The following SLC25A26 variants were observed in gnomAD, a reference collection of about 807,000 sequenced individuals.
SLC25A26 encodes the protein solute carrier family 25 member 26.
A neutral mutation model predicts 37.8 loss-of-function variants in SLC25A26; 36 were observed. The observed-to-expected ratio is 0.95, with a 90% CI of 0.73 to 1.26. The LOEUF (loss-of-function observed/expected upper bound fraction) is 1.26. SLC25A26 is among the 50% of genes most tolerant of loss of function. The pLI is 0.00. For missense variants in SLC25A26, 390 were observed against 331.1 expected (o/e 1.18, Z -1.38); for synonymous variants, 129 against 122.5 (o/e 1.05, Z -0.35).
chr3:66,377,390 C>G (rs1328749672), intron 9 of SLC25A26, among the ~76,000 whole-genome samples: 1 of 152,022 alleles, frequency 6.6e-6, no homozygotes, highest in Non-Finnish European at 1.5e-5. Context: ...CACTGAGCAA[C>G]CCCTGGAGAT....
At chr3:66,332,937 C>T (rs2076010896) in intron 5 of SLC25A26, among the ~76,000 whole-genome samples, 1 of 152,154 alleles carries the variant, frequency 6.6e-6, no homozygotes, top group African/African-American at 2.4e-5. Context: ...AGTATCCATA[C>T]ATACACTTTT....
intron 5 of SLC25A26, among the ~76,000 whole-genome samples, chr3:66,313,437 C>T (rs1473608992): frequency 6.6e-6 from 1 of 152,042 alleles, no homozygotes; most frequent in African/African-American, 2.4e-5. Flanking sequence ...TGTAGATGTG[C>T]CATCTTATTT....
rs1057335647 is a variant in SLC25A26, at chr3:66,250,787, C to T, written c.300+7475C>T. On this transcript the variant is annotated intron_variant, in intron 3 of 9. Transcript: ENST00000354883. ...TGGATGGGTGTTAATTCAGAAAAAG[C>T]CTCACAGAATAGCCAGGCTTTAAGC... Among the ~76,000 whole-genome samples the T allele has an allele frequency of 3.3e-5, 5 of 151,916 alleles. No individual in the cohort carries two copies. In the East Asian group the frequency reaches 9.7e-4, roughly 29 times the overall value.
intron 1 of SLC25A26, among the ~76,000 whole-genome samples, chr3:66,154,181 C>T (rs1316534576): frequency 1.3e-5 from 2 of 152,156 alleles, no homozygotes; most frequent in Non-Finnish European, 2.9e-5. Context: ...TCACAAACTT[C>T]AGCCATCCAC....
chr3:66,323,058 A>G (rs1351532292), intron 5 of SLC25A26, among the ~76,000 whole-genome samples: 1 of 149,028 alleles, frequency 6.7e-6, no homozygotes, highest in Non-Finnish European at 1.5e-5. Flanking sequence ...TTGAAGTAGG[A>G]ATGTACTATA....
intron 1 of SLC25A26, among the ~76,000 whole-genome samples, chr3:66,173,371 G>A (rs2070528401): frequency 6.6e-6 from 1 of 152,134 alleles, no homozygotes; most frequent in Non-Finnish European, 1.5e-5. Context: ...AAGAAAAATA[G>A]GGTACTGGTA....
At chr3:66,200,470 A>C (rs1363761910) in intron 1 of SLC25A26, among the ~76,000 whole-genome samples, 1 of 152,236 alleles carries the variant, frequency 6.6e-6, no homozygotes, top group East Asian at 1.9e-4. Flanking sequence ...TGGCCATCAC[A>C]ATGGATCCTT....
intron 5 of SLC25A26, among the ~76,000 whole-genome samples, chr3:66,343,711 A>G (rs1002678180): frequency 4.6e-5 from 7 of 152,200 alleles, no homozygotes; most frequent in Non-Finnish European, 1.0e-4. Flanking sequence ...GTAAATTTTA[A>G]ATCTTTTTTC....
intron 6 of SLC25A26, among the ~76,000 whole-genome samples, chr3:66,354,610 C>G (rs1202954195): frequency 3.3e-5 from 5 of 152,158 alleles, no homozygotes; most frequent in Admixed American, 2.6e-4. Context: ...TACCACCACC[C>G]TACCCACAAC....
intron 1 of SLC25A26, among the ~76,000 whole-genome samples, chr3:66,208,691 G>GGTATATATATATACACATTTATATGT (rs2071214804): frequency 3.8e-5 from 4 of 106,260 alleles, no homozygotes; most frequent in South Asian, 3.0e-4. Flanking sequence ...CATTTATATG[G>GGTATATATATATACACATTTATATGT]GTATATATAT....
chr3:66,172,420 A>T (rs2070514135), intron 1 of SLC25A26, among the ~76,000 whole-genome samples: 3 of 150,592 alleles, frequency 2.0e-5, no homozygotes, highest in African/African-American at 7.3e-5. Context: ...GAAAAAAAAA[A>T]AAAAAAAAAA....
chr3:66,158,897 G>T (rs1159617388), intron 1 of SLC25A26, among the ~76,000 whole-genome samples: 1 of 152,128 alleles, frequency 6.6e-6, no homozygotes, highest in Non-Finnish European at 1.5e-5. Context: ...CAAGCAGGAT[G>T]CACTGGGATC....
At chr3:66,255,523 T>G (rs1307433359) in intron 3 of SLC25A26, among the ~76,000 whole-genome samples, 6 of 151,550 alleles carry the variant, frequency 4.0e-5, no homozygotes, top group African/African-American at 1.5e-4. Flanking sequence ...ATGGAAAACC[T>G]TAGTAGTTCT....
At chr3:66,280,387 G>T (rs782736) in intron 5 of SLC25A26, among the ~76,000 whole-genome samples, 44,687 of 151,920 alleles carry the variant, frequency 0.29, 8,039 homozygotes, top group African/African-American at 0.5. Flanking sequence ...AGTACCTCTT[G>T]AATACCTTGT....
At position 66,378,428 on chromosome 3, in the gene SLC25A26, C is replaced by G. The variant is rs921669091; in HGVS notation, c.*621C>G. 1 of 152,692 alleles carries G rather than the reference C, an allele frequency of 6.5e-6. No individual in the cohort carries two copies. Among genetic ancestry groups the G allele is most frequent in the African/African-American group, 2.4e-5 (1 of 41,454 alleles). 9.5% of individuals were successfully genotyped at this position (152,692 alleles called of 1,614,324 possible). A position where few individuals can be genotyped will look rare whatever the true frequency, so the allele number is the denominator to read the frequency against. On this transcript the variant is annotated 3_prime_UTR_variant, in exon 10 of 10. Transcript: ENST00000354883. The stretch of plus-strand genomic sequence containing the variant: ...TTTACAGAGATGTGTCCAGCGCCCC[C>G]TGTGGTGTGTGAGAGAAAGCAGCTG...
chr3:66,253,024 C>G (rs1263562277), intron 3 of SLC25A26, among the ~76,000 whole-genome samples: 2 of 5,428 alleles, frequency 3.7e-4, no homozygotes, highest in African/African-American at 3.2e-4. Context: ...CAAAATAATG[C>G]CCCCCCCCCC....
At chr3:66,263,783 C>G (rs1000808113) in intron 5 of SLC25A26, among the ~76,000 whole-genome samples, 29 of 152,202 alleles carry the variant, frequency 1.9e-4, no homozygotes, top group African/African-American at 6.5e-4. Flanking sequence ...GTCAGCCTCC[C>G]GAGTAGCTGG....
intron 5 of SLC25A26, among the ~76,000 whole-genome samples, chr3:66,296,034 T>C (rs1280637686): frequency 6.6e-6 from 1 of 151,920 alleles, no homozygotes; most frequent in Non-Finnish European, 1.5e-5. Flanking sequence ...GGAGAATAGC[T>C]TGAACCCGGG....
intron 6 of SLC25A26, among the ~76,000 whole-genome samples, chr3:66,360,782 C>G (rs1294576020): frequency 6.6e-6 from 1 of 152,168 alleles, no homozygotes; most frequent in Middle Eastern, 3.2e-3. Flanking sequence ...GAGAGGGATG[C>G]CATGCCTGTG....
Sources: allele counts gnomAD v4.1 joint callset (sites outside exome capture counted in the v4.1 genomes callset), GRCh38; gene constraint gnomAD v4.1.1; transcripts MANE v1.5; gene names NCBI Gene and HGNC (gene_info 2026-07-23, HGNC 2026-07-21).